Variants in AKAP14 observed in about 807,000 individuals in gnomAD.
The protein encoded by AKAP14 is A-kinase anchoring protein 14.
Under a neutral mutation model 17.0 loss-of-function variants are expected in AKAP14, and 4 were observed. The ratio of observed to expected loss-of-function variants is 0.23; its 90% CI spans 0.12 to 0.54. The LOEUF is 0.54. Ranked by LOEUF, AKAP14 falls within the 20% of genes least tolerant of loss-of-function variation. The probability of loss-of-function intolerance (pLI) is 0.95; values close to 1 mark genes in which losing one functional copy is unlikely to be tolerated. For synonymous variants in AKAP14, 42 were observed against 51.3 expected (o/e 0.82, Z 0.77); for missense variants, 129 against 150.9 (o/e 0.85, Z 0.76).
chrX:119,906,225 C>CTTTTTTTTTT (rs10637499), intron 4 of AKAP14, among the ~76,000 whole-genome samples: 1 of 50,888 alleles, frequency 2.0e-5, no homozygotes. Context: ...CCTGGCATTT[C>CTTTTTTTTTT]TTTTTTTTTT....
At chrX:119,915,795 C>T (rs984796160) in intron 5 of AKAP14, among the ~76,000 whole-genome samples, 1 of 108,116 alleles carries the variant, frequency 9.2e-6, no homozygotes, top group Non-Finnish European at 1.9e-5. Flanking sequence ...CTTGAGCCAC[C>T]GTGCCCGGCC....
At chrX:119,897,241 A>G (rs1421651965) in intron 2 of AKAP14, among the ~76,000 whole-genome samples, 13 of 107,297 alleles carry the variant, frequency 1.2e-4, no homozygotes, top group South Asian at 4.1e-4. Context: ...CTCACTGCAA[A>G]CTCTGCCTCC....
At position 119,902,692 on chromosome X, in the gene AKAP14, T is replaced by G. The variant is rs2056573610; in HGVS notation, c.-10-522T>G. 5.4e-5 allele frequency among the ~76,000 whole-genome samples: 6 copies of G among 111,353 alleles called. No homozygotes were observed. In the South Asian group the frequency reaches 2.3e-3, roughly 42 times the overall value. The stretch of plus-strand genomic sequence containing the variant: ...TTAAGTCATTATGGTGTTTTTTTTG[T>G]TTTTTGTTTTGTTTTTGAGATGGAG... On this transcript the variant is annotated intron_variant, in intron 2 of 6. Transcript: ENST00000371431.
At chrX:119,915,067 A>C (rs1056462625) in intron 5 of AKAP14, among the ~76,000 whole-genome samples, 189 bp downstream of exon 5, 1 of 112,076 alleles carries the variant, frequency 8.9e-6, no homozygotes, top group Non-Finnish European at 1.9e-5. Context: ...TTTGGCTTCT[A>C]GAACAACATA....
chrX:119,911,415 T>C (rs761326656), intron 4 of AKAP14, among the ~76,000 whole-genome samples: 2 of 110,362 alleles, frequency 1.8e-5, no homozygotes, highest in East Asian at 5.7e-4. Flanking sequence ...CAGTTCCTTA[T>C]GGCTGTACTA....
Position 119,920,709 on chromosome X carries a change from G to C in AKAP14, c.*102G>C. On this transcript the variant is annotated 3_prime_UTR_variant, in exon 7 of 7. Coordinates refer to ENST00000371431, the MANE Select transcript of AKAP14 (RefSeq NM_178813.6). Reference sequence around the variant, plus strand: ...ATATTTATTGAGTAATAAACTTGTGGCACACAATCCAGCTGTATTTTTTTG... The same window carrying C: ...ATATTTATTGAGTAATAAACTTGTGCCACACAATCCAGCTGTATTTTTTTG... 1.7e-6 allele frequency: 1 copy of C among 598,722 alleles called. No homozygotes were observed. The highest frequency in any genetic ancestry group is 2.5e-6 in the Non-Finnish European group (1 of 399,234). 49.3% of individuals were successfully genotyped at this position (598,722 alleles called of 1,213,427 possible).
At chrX:119,920,037 G>A (rs370603205) in intron 6 of AKAP14, 74 bp downstream of exon 6, 43 of 1,036,399 alleles carry the variant, frequency 4.1e-5, no homozygotes, top group Middle Eastern at 2.5e-4. Flanking sequence ...CAGCAGTTGC[G>A]CAACAACAGA....
At chrX:119,916,783 G>A (rs1304708211) in intron 5 of AKAP14, among the ~76,000 whole-genome samples, 2 of 98,190 alleles carry the variant, frequency 2.0e-5, no homozygotes, top group African/African-American at 7.2e-5. Context: ...TTACAAGCGT[G>A]AGCCACCGCG....
intron 4 of AKAP14, among the ~76,000 whole-genome samples, chrX:119,910,336 G>A (rs945084247): frequency 4.5e-5 from 5 of 111,595 alleles, no homozygotes; most frequent in Non-Finnish European, 7.5e-5. Flanking sequence ...TCTTTTTGAT[G>A]TCTCCTGTAC....
chrX:119,914,376 A>G (rs751961287), intron 4 of AKAP14, among the ~76,000 whole-genome samples: 1 of 110,941 alleles, frequency 9.0e-6, no homozygotes, highest in African/African-American at 3.3e-5. Flanking sequence ...GCTGGAGTGT[A>G]GTGGTGCGAT....
At chrX:119,907,078 A>G (rs187933475) in intron 4 of AKAP14, among the ~76,000 whole-genome samples, 2 of 110,651 alleles carry the variant, frequency 1.8e-5, no homozygotes, top group African/African-American at 6.6e-5. Context: ...AAATTGCCCA[A>G]CCTCTCTCTG....
At chrX:119,896,842 G>T (rs1198723121) in intron 2 of AKAP14, among the ~76,000 whole-genome samples, 1 of 83,523 alleles carries the variant, frequency 1.2e-5, no homozygotes, top group East Asian at 3.9e-4. Flanking sequence ...ACAGAGTCTC[G>T]CTCTGTCGCC....
rs372658341 is a variant in AKAP14 at position 119,903,401 on chromosome X, C to A, written c.169+9C>A. 1.2e-5 allele frequency: 15 copies of A among 1,209,330 alleles called. No individual in the cohort carries two copies. The highest frequency in any genetic ancestry group is 1.7e-5 in the Non-Finnish European group (15 of 894,732). ...TGTTAAGATTGTGGAAGGTAGTGAT[C>A]CTGTTTGTTTGGATGCCTAAATAAT... On this transcript the variant is annotated intron_variant, in intron 3 of 6. Transcript: ENST00000371431.
At chrX:119,910,713 T>A (rs772329870) in intron 4 of AKAP14, among the ~76,000 whole-genome samples, 11 of 111,021 alleles carry the variant, frequency 9.9e-5, no homozygotes, top group Non-Finnish European at 3.8e-5. Context: ...CCCAGGCTGG[T>A]GTGCAATGGC....
chrX:119,918,427 T>A lies in AKAP14; in HGVS notation c.442-1484T>A, dbSNP rs143326403. On this transcript the variant is annotated intron_variant, in intron 5 of 6. Transcript: ENST00000371431. ...GTGTATTTTTAGTAGAGATGGGTTA[T>A]CACCATGTCGGCCAGGCTGGTCTGG... Among the ~76,000 whole-genome samples the A allele has an allele frequency of 5.9e-4, 66 of 111,293 alleles. No homozygotes were observed. In the East Asian group the frequency reaches 0.014, roughly 23 times the overall value.
At chrX:119,910,307 T>G (rs2056621039) in intron 4 of AKAP14, among the ~76,000 whole-genome samples, 1 of 112,052 alleles carries the variant, frequency 8.9e-6, no homozygotes, top group Non-Finnish European at 1.9e-5. Context: ...CTACATTTTT[T>G]TTAAAGGAGG....
chrX:119,918,621 G>A (rs2056671866), intron 5 of AKAP14, among the ~76,000 whole-genome samples: 1 of 112,354 alleles, frequency 8.9e-6, no homozygotes, highest in African/African-American at 3.2e-5. Flanking sequence ...AACAAGGCCT[G>A]GCAAATAGTA....
chrX:119,903,169 T>G (rs1172457425), intron 2 of AKAP14, 45 bp from the exon 3 acceptor site: 12 of 1,125,525 alleles, frequency 1.1e-5, no homozygotes, highest in Non-Finnish European at 1.4e-5. Context: ...TGCGTTCACA[T>G]GTGTGTACAC....
At chrX:119,902,343 G>A (rs1379277087) in intron 2 of AKAP14, among the ~76,000 whole-genome samples, 1 of 110,990 alleles carries the variant, frequency 9.0e-6, no homozygotes, top group African/African-American at 3.3e-5. Context: ...CAAAGTGCTG[G>A]GATTACAGGC....
Sources: gnomAD v4.1 joint callset for allele counts (sites outside exome capture counted in the v4.1 genomes callset) on GRCh38, gnomAD v4.1.1 for gene constraint, MANE v1.5 for transcripts, NCBI Gene and HGNC (gene_info 2026-07-23, HGNC 2026-07-21) for gene names.